YAE1: variants seen among roughly 807,000 people sequenced by gnomAD.
The protein encoded by YAE1 is YAE1 maturation factor of ABCE1.
A neutral mutation model predicts 23.0 loss-of-function variants in YAE1; 22 were observed. The observed-to-expected ratio is 0.96, with a 90% CI of 0.68 to 1.37. YAE1 has a LOEUF of 1.37. Among genes scored for constraint, YAE1 ranks in the 40% most tolerant of loss-of-function variants. The pLI is 0.00. For synonymous variants in YAE1, 101 were observed against 97.0 expected, an observed-to-expected ratio of 1.04 and a Z score of -0.24; for missense variants, 260 against 262.1, an observed-to-expected ratio of 0.99 and a Z score of 0.06.
exon 3 of YAE1, chr7:39,609,823 G>T (rs1051125753): frequency 1.3e-6 from 2 of 1,531,578 alleles, no homozygotes; most frequent in Non-Finnish European, 1.7e-6. Flanking sequence ...GCCCGGCTCC[G>T]GGCCCCAGGC....
rs1025476425 is a variant in YAE1 at position 39,603,517 on chromosome 7, T to C, written c.252-6100T>C. 1.2e-4 allele frequency among the ~76,000 whole-genome samples: 18 copies of C among 152,306 alleles called. No individual in the cohort carries two copies. The Middle Eastern group carries it at 0.014, about 115-fold the overall frequency. ...AACTAAATTAATTAGAAAATTAAGC[T>C]GTGGGAATTGTGATGAAGTGCTTTT... is the stretch of plus-strand genomic sequence containing the variant. On this transcript the variant is annotated intron_variant, in intron 2 of 2. Coordinates refer to the YAE1 transcript ENST00000432096.
intron 2 of YAE1, among the ~76,000 whole-genome samples, chr7:39,599,582 G>T (rs907726992): frequency 2.6e-5 from 4 of 151,902 alleles, no homozygotes; most frequent in African/African-American, 7.2e-5. Flanking sequence ...CTTATATTAA[G>T]TTAGTAATTA....
intron 2 of YAE1, among the ~76,000 whole-genome samples, chr7:39,578,818 G>A (rs1790698482): frequency 6.6e-6 from 1 of 152,130 alleles, no homozygotes; most frequent in Non-Finnish European, 1.5e-5. Flanking sequence ...AGACTACATC[G>A]TCATACACCA....
At chr7:39,570,780 A>C in intron 2 of YAE1, 153 bp downstream of exon 2, 1 of 968,166 alleles carries the variant, frequency 1.0e-6, no homozygotes, top group Non-Finnish European at 1.4e-6. Context: ...GCCTTCAAAA[A>C]GTCAAAATCT....
At chr7:39,594,722 G>A (rs931201335) in intron 2 of YAE1, among the ~76,000 whole-genome samples, 2 of 151,860 alleles carry the variant, frequency 1.3e-5, no homozygotes, top group African/African-American at 4.8e-5. Context: ...AGCCTTCCAA[G>A]TAGCTAGGAT....
intron 2 of YAE1, among the ~76,000 whole-genome samples, chr7:39,588,572 G>T (rs1459361490): frequency 3.3e-5 from 5 of 151,252 alleles, no homozygotes; most frequent in African/African-American, 9.7e-5. Context: ...CACAGTAGTC[G>T]CAGGAAACAC....
chr7:39,584,883 A>T (rs1334397258), intron 2 of YAE1, among the ~76,000 whole-genome samples: 2 of 152,168 alleles, frequency 1.3e-5, no homozygotes, highest in Non-Finnish European at 2.9e-5. Flanking sequence ...TGCAATTTAT[A>T]TAGCATTTTC....
chr7:39,586,591 A>G (rs1170911699), intron 2 of YAE1, among the ~76,000 whole-genome samples: 2 of 137,650 alleles, frequency 1.5e-5, no homozygotes, highest in East Asian at 2.2e-4. Flanking sequence ...TCCGCCTCCC[A>G]GGTTGATGCC....
intron 2 of YAE1, among the ~76,000 whole-genome samples, chr7:39,578,750 G>A (rs574044459): frequency 7.2e-5 from 11 of 152,248 alleles, no homozygotes; most frequent in Non-Finnish European, 1.2e-4. Context: ...AACACTCACC[G>A]CGAGGGTCTG....
downstream of YAE1, among the ~76,000 whole-genome samples, chr7:39,611,243 A>C (rs955399774): frequency 6.6e-6 from 1 of 152,204 alleles, no homozygotes. Context: ...ATAGTGAGAA[A>C]TTAGAACAAA....
At chr7:39,592,054 A>G (rs1256850294) in intron 2 of YAE1, among the ~76,000 whole-genome samples, 1 of 152,176 alleles carries the variant, frequency 6.6e-6, no homozygotes, top group African/African-American at 2.4e-5. Context: ...CATAGTTGAT[A>G]TTTCACAGTC....
At chr7:39,594,128 G>A (rs1005073613) in intron 2 of YAE1, among the ~76,000 whole-genome samples, 1 of 152,158 alleles carries the variant, frequency 6.6e-6, no homozygotes, top group South Asian at 2.1e-4. Context: ...TCTATGTTGG[G>A]CAGTAGCTGA....
chr7:39,585,151 ACGT>A (rs1224984484), intron 2 of YAE1, among the ~76,000 whole-genome samples: 1 of 152,246 alleles, frequency 6.6e-6, no homozygotes, highest in Non-Finnish European at 1.5e-5. Context: ...ACTATCAGGT[ACGT>A]CTGCCATATG....
intron 2 of YAE1, among the ~76,000 whole-genome samples, chr7:39,601,348 T>G (rs766443617): frequency 3.3e-5 from 5 of 152,222 alleles, no homozygotes; most frequent in Non-Finnish European, 5.9e-5. Context: ...CCACCTTTAA[T>G]ACTATTACAA....
chr7:39,582,187 G>C (rs982998263), intron 2 of YAE1, among the ~76,000 whole-genome samples: 1 of 151,814 alleles, frequency 6.6e-6, no homozygotes, highest in Non-Finnish European at 1.5e-5. Flanking sequence ...GGCTAATTTT[G>C]TTGTTGTCAT....
At chr7:39,595,667 C>G (rs1003928863) in intron 2 of YAE1, among the ~76,000 whole-genome samples, 3 of 152,192 alleles carry the variant, frequency 2.0e-5, no homozygotes, top group African/African-American at 7.2e-5. Flanking sequence ...TCAGTAACTA[C>G]TCAATTGCAG....
intron 2 of YAE1, among the ~76,000 whole-genome samples, chr7:39,604,234 T>G (rs755714370): frequency 1.1e-4 from 16 of 152,210 alleles, no homozygotes; most frequent in Non-Finnish European, 2.1e-4. Context: ...TAACATCTCC[T>G]TTTGAAAAAT....
At chr7:39,609,931 C>T (rs1256055354) in exon 3 of YAE1, 1 of 1,525,866 alleles carries the variant, frequency 6.6e-7, no homozygotes, top group Non-Finnish European at 8.8e-7. Context: ...CCTTCCAACT[C>T]CGAAACACAT....
At chr7:39,590,309 T>G (rs1370379169) in intron 2 of YAE1, among the ~76,000 whole-genome samples, 2 of 149,746 alleles carry the variant, frequency 1.3e-5, no homozygotes, top group Non-Finnish European at 2.9e-5. Flanking sequence ...GTCATGAAAT[T>G]AAATTATTTT....
Sources: allele counts gnomAD v4.1 joint callset (sites outside exome capture counted in the v4.1 genomes callset), GRCh38; gene constraint gnomAD v4.1.1; transcripts MANE v1.5; gene names NCBI Gene and HGNC (gene_info 2026-07-23, HGNC 2026-07-21).